PPP2R2D: variants seen among roughly 807,000 people sequenced by gnomAD.
PPP2R2D encodes protein phosphatase 2 regulatory subunit Bdelta.
PPP2R2D carries 9 observed loss-of-function variants against 31.1 expected under a neutral mutation model. That is an observed-to-expected ratio of 0.29 (90% CI 0.17 to 0.51). The LOEUF (loss-of-function observed/expected upper bound fraction) is 0.51. Among genes scored for constraint, PPP2R2D ranks in the 20% least tolerant of loss-of-function variants. The pLI is 0.98. For missense variants in PPP2R2D, 391 were observed against 465.6 expected (o/e 0.84, Z 1.48); for synonymous variants, 179 against 172.6 (o/e 1.04, Z -0.29).
chr10:131,914,537 G>A (rs1168023037), intron 2 of PPP2R2D, among the ~76,000 whole-genome samples: 1 of 152,238 alleles, frequency 6.6e-6, no homozygotes, highest in Non-Finnish European at 1.5e-5. Flanking sequence ...AAATAGGCCA[G>A]CATTTCAGAA....
chr10:131,927,624 T>C (rs1554895116), intron 2 of PPP2R2D, among the ~76,000 whole-genome samples: 1 of 152,124 alleles, frequency 6.6e-6, no homozygotes, highest in African/African-American at 2.4e-5. Flanking sequence ...AGGAGCACGT[T>C]GCCAGGACGC....
chr10:131,967,578 C>T, the PPP2R2D span: 1 of 152,476 alleles, frequency 6.6e-6, no homozygotes, highest in South Asian at 2.1e-4. Flanking sequence ...GGCAGCCTTT[C>T]TAAAAAGTTT....
chr10:131,939,899 T>G, intron 3 of PPP2R2D, 132 bp from the exon 4 acceptor site: 24 of 410,400 alleles, frequency 5.8e-5, no homozygotes, highest in Non-Finnish European at 6.2e-5. Flanking sequence ...GAGTTTCATC[T>G]GAGATTTTTT....
chr10:131,926,217 G>T lies in PPP2R2D; in HGVS notation c.101-8241G>T, dbSNP rs2036102483. 2.0e-5 allele frequency among the ~76,000 whole-genome samples: 3 copies of T among 152,100 alleles called. No homozygotes were observed. In the South Asian group the frequency reaches 6.2e-4, roughly 32 times the overall value. On this transcript the variant is annotated intron_variant, in intron 2 of 8. Coordinates refer to ENST00000455566, the MANE Select transcript of PPP2R2D (RefSeq NM_018461.5). ...TCTTACTGGGTCTCGGACATAAATA[G>T]TTTTCCATTTTTTTAATATATGGTA...
chr10:131,902,524 G>T (rs1342358150), intron 2 of PPP2R2D, among the ~76,000 whole-genome samples: 1 of 152,116 alleles, frequency 6.6e-6, no homozygotes, highest in Non-Finnish European at 1.5e-5. Flanking sequence ...TAAGAAATGC[G>T]TAATATATAT....
At chr10:131,930,281 C>A (rs2036196547) in intron 2 of PPP2R2D, among the ~76,000 whole-genome samples, 1 of 152,160 alleles carries the variant, frequency 6.6e-6, no homozygotes, top group African/African-American at 2.4e-5. Flanking sequence ...ATCAGATCAG[C>A]TCTCAGCTCT....
In PPP2R2D at chr10:131,947,542, C is replaced by G. The variant is rs2036564152; in HGVS notation, c.833C>G (p.Pro278Arg). ...TTTTGTTTTTCAGTTTTTGAAGAGC[C>G]TGAAGATCCCAGCAGTAGGTCCTTC... Reference protein sequence around the residue: ...CDRHSKFFEEPEDPSSRSFFS... With the variant: ...CDRHSKFFEEREDPSSRSFFS... Residue 278 changes from proline to arginine, a missense_variant, in exon 8 of 9, where the codon CCT (proline) becomes CGT (arginine). Physicochemically the swap from Pro to Arg is moderately radical, Grantham distance 103 (BLOSUM62 -2). This residue lies in a region of PPP2R2D where 123 missense variants were observed against 187.7 expected (regional missense o/e 0.66). Transcript: ENST00000455566. The surrounding 1 kb of genome is among the most constrained non-coding windows in gnomAD (Gnocchi z 4.3). The G allele has an allele frequency of 6.2e-7, 1 of 1,613,578 alleles. No individual in the cohort carries two copies. The highest frequency in any genetic ancestry group is 8.5e-7 in the Non-Finnish European group (1 of 1,179,580).
chr10:131,942,787 T>G (rs1479491766), intron 5 of PPP2R2D, among the ~76,000 whole-genome samples: 1 of 152,218 alleles, frequency 6.6e-6, no homozygotes, highest in Non-Finnish European at 1.5e-5. Context: ...AGCTATCATA[T>G]GTTTTGATTA....
intron 2 of PPP2R2D, among the ~76,000 whole-genome samples, chr10:131,919,017 T>C (rs12572498): frequency 0.069 from 6,788 of 98,928 alleles, 297 homozygotes; most frequent in East Asian, 0.087. Context: ...AATGACACAG[T>C]GTTTGTAGGG....
At chr10:131,927,509 G>T (rs2036129654) in intron 2 of PPP2R2D, among the ~76,000 whole-genome samples, 1 of 152,156 alleles carries the variant, frequency 6.6e-6, no homozygotes, top group Non-Finnish European at 1.5e-5. Context: ...AAGTCAGCGG[G>T]ATGATGTTTG....
chr10:131,909,137 G>C (rs894633443), intron 2 of PPP2R2D, among the ~76,000 whole-genome samples: 87 of 152,344 alleles, frequency 5.7e-4, no homozygotes, highest in African/African-American at 2.1e-3. Context: ...TCCAGGTGGA[G>C]AGTGCTTGGT....
intron 3 of PPP2R2D, among the ~76,000 whole-genome samples, chr10:131,938,727 T>C (rs2036388281): frequency 6.6e-6 from 1 of 152,262 alleles, no homozygotes; most frequent in South Asian, 2.1e-4. Context: ...TGCGGTTGTC[T>C]GTGCTGGCTC....
intron 2 of PPP2R2D, among the ~76,000 whole-genome samples, chr10:131,921,100 C>G (rs544530087): frequency 6.6e-6 from 1 of 152,222 alleles, no homozygotes; most frequent in East Asian, 1.9e-4. Context: ...TGTGCTTTTC[C>G]CCTTTTGATA....
chr10:131,926,991 G>A (rs752831783), intron 2 of PPP2R2D, among the ~76,000 whole-genome samples: 1 of 152,206 alleles, frequency 6.6e-6, no homozygotes, highest in Non-Finnish European at 1.5e-5. Flanking sequence ...AGGAGAGGGT[G>A]TGGTGACCAC....
intron 3 of PPP2R2D, 131 bp from the exon 4 acceptor site, chr10:131,939,900 G>A: frequency 2.6e-6 from 1 of 389,546 alleles, no homozygotes; most frequent in Non-Finnish European, 4.7e-6. Flanking sequence ...AGTTTCATCT[G>A]AGATTTTTTT....
At chr10:131,939,000 G>A (rs1302862993) in intron 3 of PPP2R2D, among the ~76,000 whole-genome samples, 7 of 152,348 alleles carry the variant, frequency 4.6e-5, no homozygotes, top group African/African-American at 1.4e-4. Context: ...CTACCCAGAT[G>A]GTGCAGAAGC....
In PPP2R2D at chr10:131,956,460, C is replaced by T. The variant is rs1349837300; in HGVS notation, c.*497C>T. 4.1e-6 allele frequency: 4 copies of T among 985,470 alleles called. No individual in the cohort carries two copies. In the African/African-American group the frequency reaches 5.2e-5, roughly 13 times the overall value. The allele number at this position is 985,470 out of a possible 1,614,324, so 61.0% of individuals were successfully genotyped here. On this transcript the variant is annotated 3_prime_UTR_variant, in exon 9 of 9. Transcript: ENST00000455566. ...TGGATGTGGCCCGAGCAGGCTCAGG[C>T]GGCCCCACTCACCCACAGCATCCGC...
intron 2 of PPP2R2D, among the ~76,000 whole-genome samples, chr10:131,903,483 A>G: frequency 6.6e-6 from 1 of 151,888 alleles, no homozygotes; most frequent in Admixed American, 6.6e-5. Flanking sequence ...AAAAAAAAAA[A>G]AAAAAAATCT....
the PPP2R2D span, chr10:131,971,239 CTG>C: frequency 2.4e-5 from 11 of 463,198 alleles, no homozygotes; most frequent in Admixed American, 1.8e-4. Flanking sequence ...ATTTGGTTCA[CTG>C]TGAGATTCTG....
Sources: gnomAD v4.1 joint callset for allele counts (sites outside exome capture counted in the v4.1 genomes callset) on GRCh38, gnomAD v4.1.1 for gene constraint, gnomAD v4.1.1 regional missense constraint, Gnocchi (gnomAD v3.1) non-coding constraint, MANE v1.5 for transcripts, NCBI Gene and HGNC (gene_info 2026-07-23, HGNC 2026-07-21) for gene names.